MBOAT4: variants seen among roughly 807,000 people sequenced by gnomAD.
MBOAT4 encodes the protein membrane-bound ghrelin O-acyltransferase MBOAT4.
MBOAT4 carries 11 observed loss-of-function variants against 13.2 expected under a neutral mutation model. The ratio of observed to expected loss-of-function variants is 0.84; its 90% CI spans 0.53 to 1.38. The LOEUF is 1.38. MBOAT4 is among the 40% of genes most tolerant of loss of function. The pLI, the probability that MBOAT4 is intolerant of heterozygous loss-of-function variation, is 0.00. For synonymous variants in MBOAT4, 202 were observed against 210.3 expected, an observed-to-expected ratio of 0.96 and a Z score of 0.34; for missense variants, 481 against 527.2, an observed-to-expected ratio of 0.91 and a Z score of 0.86.
chr8:30,132,631 C>A lies in MBOAT4; in HGVS notation c.620G>T (p.Trp207Leu). 1 of 1,551,810 alleles carries A rather than the reference C, an allele frequency of 6.4e-7. No individual in the cohort carries two copies. The highest frequency in any genetic ancestry group is 2.4e-5 in the East Asian group (1 of 40,924). ...TAGTCCAAGAATCTGCAGACCCCTC[C>A]AGCTCAGAGCCCAGAAAGAGTGTCT... ...HPRHSFWALSWRGLQILGLEC... is the reference protein window; with the variant it reads ...HPRHSFWALSLRGLQILGLEC... Residue 207 changes from tryptophan to leucine, a missense_variant, in exon 3 of 3, where the codon TGG (tryptophan) becomes TTG (leucine). Coordinates refer to ENST00000320542, the MANE Select transcript of MBOAT4 (RefSeq NM_001100916.2).
intron 1 of MBOAT4, among the ~76,000 whole-genome samples, chr8:30,142,978 C>A (rs550172962): frequency 6.6e-6 from 1 of 152,250 alleles, no homozygotes; most frequent in East Asian, 1.9e-4. Context: ...CAGATTTTCA[C>A]TTTACAAAAG....
In MBOAT4 at chr8:30,132,046, A is replaced by G; in HGVS notation, c.1205T>C (p.Leu402Pro). Residue 402 changes from leucine (L) to proline (P), a missense_variant, in exon 3 of 3, where the codon CTC becomes CCC. Coordinates refer to ENST00000320542, the MANE Select transcript of MBOAT4 (RefSeq NM_001100916.2). The stretch of plus-strand genomic sequence containing the variant: ...ATTACAGAGCAACCAGAGAGAGGAG[A>G]GACTCCTGACCTCCACAGCCAGCAT... ...YIMLAVEVRS[L>P]SSLWLLCNSY... 3 of 1,551,836 alleles carry G rather than the reference A, an allele frequency of 1.9e-6. No individual in the cohort carries two copies. Among genetic ancestry groups the G allele is most frequent in the Non-Finnish European group, 1.7e-6 (2 of 1,147,024 alleles).
At chr8:30,135,062 T>A (rs1302968748) in intron 2 of MBOAT4, among the ~76,000 whole-genome samples, 1 of 150,354 alleles carries the variant, frequency 6.7e-6, no homozygotes, top group African/African-American at 2.4e-5. Context: ...GTGGGTTTTT[T>A]TTTTTTTTTT....
chr8:30,137,366 T>C (rs1338918600), intron 2 of MBOAT4: 1 of 1,551,592 alleles, frequency 6.4e-7, no homozygotes, highest in Non-Finnish European at 8.7e-7. Context: ...GCAGCCGCCA[T>C]GAGAAGATTG....
At chr8:30,141,924 GAA>G (rs1361353450) in intron 1 of MBOAT4, among the ~76,000 whole-genome samples, 2 of 152,118 alleles carry the variant, frequency 1.3e-5, no homozygotes, top group Non-Finnish European at 2.9e-5. Flanking sequence ...GCTTCTCTTT[GAA>G]CCTATGCTTG....
At chr8:30,138,111 C>T (rs752873768) in intron 2 of MBOAT4, 4 of 170,844 alleles carry the variant, frequency 2.3e-5, no homozygotes, top group Non-Finnish European at 5.2e-5. Flanking sequence ...ACTCACTGGC[C>T]TCCCCCTACC....
Position 30,132,580 on chromosome 8 carries a change from C to T in MBOAT4, c.671G>A (p.Arg224Lys), listed in dbSNP as rs957933474. 1.7e-5 allele frequency: 26 copies of T among 1,551,644 alleles called. No homozygotes were observed. The highest frequency in any genetic ancestry group is 3.6e-5 in the South Asian group (3 of 84,066). ...GLECLNVAVS[R>K]VVDAGAGLTD... Reference sequence around the variant, plus strand: ...CAGTCCCGCTCCTGCATCCACCACCCTGCTCACTGCCACGTTTAGGCATTC... The same window carrying T: ...CAGTCCCGCTCCTGCATCCACCACCTTGCTCACTGCCACGTTTAGGCATTC... The change falls in exon 3 of 3, where the codon AGG becomes AAG. Residue 224 changes from arginine (R) to lysine (K), a missense_variant. Physicochemically the swap from Arg to Lys is conservative, Grantham distance 26. Coordinates refer to ENST00000320542, the MANE Select transcript of MBOAT4 (RefSeq NM_001100916.2).
At chr8:30,141,946 C>T (rs550094881) in intron 1 of MBOAT4, among the ~76,000 whole-genome samples, 21 of 152,298 alleles carry the variant, frequency 1.4e-4, no homozygotes, top group African/African-American at 4.6e-4. Context: ...GGGGTGACTT[C>T]CCCCCTCAAC....
At chr8:30,136,169 AC>A (rs1803135508) in intron 2 of MBOAT4, among the ~76,000 whole-genome samples, 2 of 152,272 alleles carry the variant, frequency 1.3e-5, no homozygotes, top group Admixed American at 1.3e-4. Context: ...TTATGGTCTA[AC>A]CCCAGTACCT....
chr8:30,138,709 A>G lies in MBOAT4; in HGVS notation c.167T>C (p.Met56Thr), dbSNP rs1397412596. 8 of 1,550,428 alleles carry G rather than the reference A, an allele frequency of 5.2e-6. No homozygotes were observed. The highest frequency in any genetic ancestry group is 7.0e-6 in the Non-Finnish European group (8 of 1,146,968). The part of the protein sequence containing the change: ...TGGGALAVAA[M>T]GSYAVLVFTP... ...GAAGACGAGCACGGCGTAGGAACCC[A>G]TGGCAGCCACGGCCAGGGCACCTCC... The change falls in exon 2 of 3, where the codon ATG (methionine) becomes ACG (threonine). Residue 56 changes from methionine (M) to threonine (T), a missense_variant. Met to Thr is a moderately conservative substitution (Grantham distance 81). Transcript: ENST00000320542.
intron 2 of MBOAT4, among the ~76,000 whole-genome samples, chr8:30,134,942 C>T (rs547561591): frequency 3.9e-5 from 6 of 152,210 alleles, no homozygotes; most frequent in Non-Finnish European, 2.9e-5. Context: ...TGCAGTGGCA[C>T]CATCCTGGCT....
Position 30,138,601 on chromosome 8 carries a change from C to A in MBOAT4, c.275G>T (p.Ser92Ile), listed in dbSNP as rs944677537. 6.4e-7 allele frequency: 1 copy of A among 1,551,702 alleles called. No individual in the cohort carries two copies. Among genetic ancestry groups the A allele is most frequent in the Non-Finnish European group, 8.7e-7 (1 of 1,147,010 alleles). Residue 92 changes from serine to isoleucine, a missense_variant, in exon 2 of 3, where the codon AGC (serine) becomes ATC (isoleucine). Transcript: ENST00000320542. ...VHRWTFCFQM[S>I]WQTLCHLGLH... Reference sequence around the variant, plus strand: ...ACCTAGGTGACACAAGGTCTGCCAGCTCATCTGAAAGCAGAAGGTCCACCT... The same window carrying A: ...ACCTAGGTGACACAAGGTCTGCCAGATCATCTGAAAGCAGAAGGTCCACCT...
In MBOAT4 at chr8:30,138,683, T is replaced by A; in HGVS notation, c.193A>T (p.Thr65Ser). Residue 65 changes from threonine to serine, a missense_variant, in exon 2 of 3, where the codon ACC (threonine) becomes TCC (serine). Physicochemically the swap from Thr to Ser is moderately conservative, Grantham distance 58. Transcript: ENST00000320542. ...AGAGCCACAGCGCAGACAGCAGGGG[T>A]GAAGACGAGCACGGCGTAGGAACCC... ...AMGSYAVLVF[T>S]PAVCAVALLC... 6.4e-7 allele frequency: 1 copy of A among 1,550,976 alleles called. No individual in the cohort carries two copies. The highest frequency in any genetic ancestry group is 8.7e-7 in the Non-Finnish European group (1 of 1,146,964).
intron 2 of MBOAT4, among the ~76,000 whole-genome samples, chr8:30,134,405 G>C (rs1406238098): frequency 1.3e-5 from 2 of 150,342 alleles, no homozygotes; most frequent in African/African-American, 2.5e-5. Flanking sequence ...CCTGGTGATA[G>C]AGCGAGACTG....
chr8:30,140,299 TAC>T (rs1054811341), intron 1 of MBOAT4, among the ~76,000 whole-genome samples: 3 of 152,134 alleles, frequency 2.0e-5, no homozygotes, highest in African/African-American at 7.2e-5. Context: ...GAACTCCTGG[TAC>T]AGTCTTAGAC....
At chr8:30,138,355 A>G (rs943846098) in intron 2 of MBOAT4, 177 bp downstream of exon 2, 5 of 579,730 alleles carry the variant, frequency 8.6e-6, no homozygotes, top group African/African-American at 1.9e-5. Context: ...TGTTAGCCCC[A>G]TATCTTTTCC....
At chr8:30,137,127 C>G (rs1159320373) in intron 2 of MBOAT4, 1 of 678,760 alleles carries the variant, frequency 1.5e-6, no homozygotes, top group African/African-American at 1.8e-5. Flanking sequence ...CCAAGTGACC[C>G]TGAAGCCAAT....
At chr8:30,136,001 A>C (rs922382524) in intron 2 of MBOAT4, among the ~76,000 whole-genome samples, 2 of 151,998 alleles carry the variant, frequency 1.3e-5, no homozygotes, top group African/African-American at 4.8e-5. Flanking sequence ...ACAGTCTTCT[A>C]ACTGCTGCTG....
intron 2 of MBOAT4, among the ~76,000 whole-genome samples, chr8:30,136,370 C>T (rs539956118): frequency 1.3e-5 from 2 of 152,300 alleles, no homozygotes; most frequent in East Asian, 1.9e-4. Context: ...CCGCAAGCCA[C>T]GAGAATGGCC....
Sources: allele counts gnomAD v4.1 joint callset (sites outside exome capture counted in the v4.1 genomes callset), GRCh38; gene constraint gnomAD v4.1.1; transcripts MANE v1.5; gene names NCBI Gene and HGNC (gene_info 2026-07-23, HGNC 2026-07-21).